Variants in OR51E2 observed in about 807,000 individuals in gnomAD.
OR51E2 encodes the protein olfactory receptor family 51 subfamily E member 2.
OR51E2 carries 14 observed loss-of-function variants against 13.7 expected under a neutral mutation model. The observed-to-expected ratio is 1.02, with a 90% CI of 0.68 to 1.60. The LOEUF is 1.60. Among genes scored for constraint, OR51E2 ranks in the 40% most tolerant of loss-of-function variants. The pLI, the probability that OR51E2 is intolerant of heterozygous loss-of-function variation, is 0.00. For synonymous variants in OR51E2, 180 were observed against 157.6 expected, an observed-to-expected ratio of 1.14 and a Z score of -1.07; for missense variants, 483 against 413.8, an observed-to-expected ratio of 1.17 and a Z score of -1.45.
intron 1 of OR51E2, chr11:4,691,555 C>T (rs772568899): frequency 2.0e-5 from 9 of 456,660 alleles, no homozygotes; most frequent in African/African-American, 8.0e-5. Context: ...GTGATGGTAG[C>T]GAAGAGGATC....
chr11:4,681,522 A>G lies in OR51E2; in HGVS notation c.*227T>C, dbSNP rs2133243411. ...TCATGTATCTTTATTGTTTTTCTTA[A>G]TGTTATAAGCATGTTTGGTTTTATT... is the stretch of plus-strand genomic sequence containing the variant. On this transcript the variant is annotated 3_prime_UTR_variant, in exon 2 of 2. Transcript: ENST00000396950. 3 of 530,536 alleles carry G rather than the reference A, an allele frequency of 5.7e-6. No homozygotes were observed. Among genetic ancestry groups the G allele is most frequent in the Non-Finnish European group, 9.9e-6 (3 of 303,048 alleles). The allele number at this position is 530,536 out of a possible 1,614,324, so 32.9% of individuals were successfully genotyped here. A position where few individuals can be genotyped will look rare whatever the true frequency, so the allele number is the denominator to read the frequency against.
intron 1 of OR51E2, among the ~76,000 whole-genome samples, chr11:4,690,259 A>G (rs1212910899): frequency 3.9e-5 from 6 of 152,076 alleles, no homozygotes; most frequent in African/African-American, 1.2e-4. Context: ...ATTATCTTAT[A>G]ACATTGTTTT....
intron 1 of OR51E2, among the ~76,000 whole-genome samples, chr11:4,685,493 A>G (rs748926087): frequency 6.6e-6 from 1 of 152,160 alleles, no homozygotes; most frequent in Non-Finnish European, 1.5e-5. Context: ...TAAAAATACA[A>G]AAGTATAGTT....
At chr11:4,693,656 G>T (rs1847616716) in intron 1 of OR51E2, among the ~76,000 whole-genome samples, 1 of 152,126 alleles carries the variant, frequency 6.6e-6, no homozygotes, top group African/African-American at 2.4e-5. Context: ...GGAAGGCGGA[G>T]CTTCCAGGTG....
rs753466857 is a variant in OR51E2, at chr11:4,682,565, C to A, written c.147G>T (p.Arg49Ser). Residue 49 changes from arginine to serine, a missense_variant, in exon 2 of 2, where the codon AGG becomes AGT. Physicochemically the swap from Arg to Ser is moderately radical, Grantham distance 110 (BLOSUM62 -1). Coordinates refer to ENST00000396950, the MANE Select transcript of OR51E2 (RefSeq NM_030774.4). Reference sequence around the variant, plus strand: ...TCGGAGCGTGCAGGCTGCGTTCCGTCCTTACGATGAAGACCACGATGCAGT... The same window carrying A: ...TCGGAGCGTGCAGGCTGCGTTCCGTACTTACGATGAAGACCACGATGCAGT... ...FGNCIVVFIVRTERSLHAPMY... is the reference protein window; with the variant it reads ...FGNCIVVFIVSTERSLHAPMY... 6.2e-7 allele frequency: 1 copy of A among 1,614,138 alleles called. No individual in the cohort carries two copies. Among genetic ancestry groups the A allele is most frequent in the South Asian group, 1.1e-5 (1 of 91,082 alleles).
intron 1 of OR51E2, among the ~76,000 whole-genome samples, chr11:4,693,534 A>C (rs889375806): frequency 1.3e-5 from 2 of 152,184 alleles, no homozygotes; most frequent in African/African-American, 2.4e-5. Flanking sequence ...ATCCTGGCTA[A>C]CATGGTGAAA....
Position 4,680,498 on chromosome 11 carries a change from G to A in OR51E2, c.*1251C>T, listed in dbSNP as rs1256983129. 6.6e-6 allele frequency: 1 copy of A among 152,650 alleles called. No individual in the cohort carries two copies. 9.5% of individuals were successfully genotyped at this position (152,650 alleles called of 1,614,324 possible). ...GATTTGTACAGCTGAGGAAATAAAT[G>A]GCAGATGTTACACAGGAAGCAATAT... On this transcript the variant is annotated 3_prime_UTR_variant, in exon 2 of 2. Coordinates refer to ENST00000396950, the MANE Select transcript of OR51E2 (RefSeq NM_030774.4).
chr11:4,688,399 A>G (rs1433251179), intron 1 of OR51E2, among the ~76,000 whole-genome samples: 1 of 152,208 alleles, frequency 6.6e-6, no homozygotes, highest in African/African-American at 2.4e-5. Flanking sequence ...CTGATGTTGA[A>G]GCATGCTTGA....
intron 1 of OR51E2, among the ~76,000 whole-genome samples, chr11:4,683,470 A>C (rs888433151): frequency 6.6e-6 from 1 of 152,206 alleles, no homozygotes; most frequent in Non-Finnish European, 1.5e-5. Context: ...TCTCTTTCGG[A>C]TTAAAGGAAA....
chr11:4,681,645 G>A lies in OR51E2; in HGVS notation c.*104C>T, dbSNP rs1381082613. ...ATACTTTAGTTTACTATTCCAGCCA[G>A]AGAAAAGTACTGATGTGCTTATGGG... On this transcript the variant is annotated 3_prime_UTR_variant, in exon 2 of 2. Transcript: ENST00000396950. The A allele has an allele frequency of 2.3e-6, 3 of 1,330,948 alleles. No individual in the cohort carries two copies. Among genetic ancestry groups the A allele is most frequent in the East Asian group, 4.6e-5 (2 of 43,040 alleles). The allele number at this position is 1,330,948 out of a possible 1,614,324, so 82.4% of individuals were successfully genotyped here. A position where few individuals can be genotyped will look rare whatever the true frequency, so the allele number is the denominator to read the frequency against.
intron 1 of OR51E2, chr11:4,691,779 A>C (rs1847584957): frequency 3.1e-6 from 1 of 319,846 alleles, no homozygotes; most frequent in Non-Finnish European, 6.1e-6. Flanking sequence ...GATCGAATTA[A>C]AATAATTTTA....
chr11:4,691,764 G>T (rs997320553), intron 1 of OR51E2: 1 of 327,888 alleles, frequency 3.0e-6, no homozygotes. Flanking sequence ...ATTCATTTGT[G>T]TATTGATCGA....
chr11:4,690,345 G>A (rs574985161), intron 1 of OR51E2: 3 of 152,588 alleles, frequency 2.0e-5, no homozygotes, highest in South Asian at 2.1e-4. Flanking sequence ...AATGGCAATC[G>A]AAATTACTAG....
intron 1 of OR51E2, 129 bp from the exon 2 acceptor site, chr11:4,682,890 C>T (rs1847474362): frequency 4.9e-6 from 3 of 613,062 alleles, no homozygotes; most frequent in Non-Finnish European, 5.6e-6. Context: ...AAAGGCGGGA[C>T]TGTGACAGAT....
intron 1 of OR51E2, among the ~76,000 whole-genome samples, chr11:4,686,835 A>G (rs1426756621): frequency 6.7e-6 from 1 of 149,888 alleles, no homozygotes; most frequent in Non-Finnish European, 1.5e-5. Context: ...TTGTTCTGCA[A>G]CCCACCCAGT....
intron 1 of OR51E2, among the ~76,000 whole-genome samples, chr11:4,686,180 T>C (rs758820570): frequency 6.6e-6 from 1 of 152,172 alleles, no homozygotes; most frequent in Non-Finnish European, 1.5e-5. Flanking sequence ...CATACACACC[T>C]ACCCAAACAA....
At chr11:4,692,687 G>C (rs907855082) in intron 1 of OR51E2, among the ~76,000 whole-genome samples, 1 of 152,162 alleles carries the variant, frequency 6.6e-6, no homozygotes, top group African/African-American at 2.4e-5. Flanking sequence ...ATCAATGAGA[G>C]AGAGCCAGTT....
At chr11:4,685,219 T>C (rs1483358706) in intron 1 of OR51E2, 1 of 152,216 alleles carries the variant, frequency 6.6e-6, no homozygotes, top group African/African-American at 2.4e-5. Context: ...AACATCTCCA[T>C]GTCCACTTGT....
chr11:4,681,663 CTT>C lies in OR51E2; in HGVS notation c.*84_*85del. The C allele has an allele frequency of 6.7e-7, 1 of 1,503,730 alleles. No individual in the cohort carries two copies. Among genetic ancestry groups the C allele is most frequent in the Non-Finnish European group, 9.1e-7 (1 of 1,094,790 alleles). The allele number at this position is 1,503,730 out of a possible 1,614,324, so 93.1% of individuals were successfully genotyped here. A position where few individuals can be genotyped will look rare whatever the true frequency, so the allele number is the denominator to read the frequency against. ...CCAGCCAGAGAAAAGTACTGATGTGCTTATGGGCAACTGGAAATAAGCTAGTG... is the reference window on the plus strand; with the variant it reads ...CCAGCCAGAGAAAAGTACTGATGTGCATGGGCAACTGGAAATAAGCTAGTG... On this transcript the variant is annotated 3_prime_UTR_variant, in exon 2 of 2. Transcript: ENST00000396950.
Sources: gnomAD v4.1 joint callset for allele counts (sites outside exome capture counted in the v4.1 genomes callset) on GRCh38, gnomAD v4.1.1 for gene constraint, MANE v1.5 for transcripts, NCBI Gene and HGNC (gene_info 2026-07-23, HGNC 2026-07-21) for gene names.